Variants in SENP2 observed in about 807,000 individuals in gnomAD.
SENP2 encodes the protein sentrin-specific protease 2.
A neutral mutation model predicts 86.3 loss-of-function variants in SENP2; 16 were observed. The observed-to-expected ratio is 0.19, with a 90% confidence interval of 0.13 to 0.28. SENP2 has a LOEUF of 0.28. Among genes scored for constraint, SENP2 ranks in the 10% least tolerant of loss-of-function variants. The probability of loss-of-function intolerance (pLI) is 1.00; values close to 1 mark genes in which losing one functional copy is unlikely to be tolerated. For synonymous variants in SENP2, 222 were observed against 238.7 expected (o/e 0.93, Z 0.64); for missense variants, 552 against 703.0 (o/e 0.79, Z 2.43).
intron 14 of SENP2, among the ~76,000 whole-genome samples, 165 bp from the exon 15 acceptor site, chr3:185,623,826 CAAAAAAA>C (rs63707460): frequency 8.4e-5 from 4 of 47,774 alleles, no homozygotes; most frequent in South Asian, 3.0e-3. Context: ...GACTCTGTCT[CAAAAAAA>C]AAAAAAAAAA....
rs1200937865 is a variant in SENP2 at position 185,626,541 on chromosome 3, G to A, written c.1707+148G>A. On this transcript the variant is annotated intron_variant, in intron 16 of 16. Transcript: ENST00000296257. ...TAATCCCAGCACTTTGGGAGGCCGA[G>A]GCGGGTGGACCACCTGAGGTCAGGA... 64 of 538,346 alleles carry A rather than the reference G, an allele frequency of 1.2e-4. No individual in the cohort carries two copies. In the East Asian group the frequency reaches 1.9e-3, roughly 16 times the overall value. 33.3% of individuals were successfully genotyped at this position (538,346 alleles called of 1,614,324 possible).
chr3:185,608,348 G>C (rs1722582626), intron 6 of SENP2, among the ~76,000 whole-genome samples: 1 of 152,190 alleles, frequency 6.6e-6, no homozygotes, highest in Admixed American at 6.5e-5. Flanking sequence ...ATATTGGTAG[G>C]TAGTATTAGC....
chr3:185,587,732 ATTTTTT>A (rs59565990), intron 1 of SENP2, among the ~76,000 whole-genome samples: 3 of 73,016 alleles, frequency 4.1e-5, no homozygotes, highest in South Asian at 6.1e-4. Context: ...ATGCCCGGCT[ATTTTTT>A]TTTTTTTTTT....
chr3:185,625,496 A>T (rs1430128413), intron 15 of SENP2, among the ~76,000 whole-genome samples: 1 of 152,090 alleles, frequency 6.6e-6, no homozygotes, highest in Non-Finnish European at 1.5e-5. Context: ...TTCCAGCAAT[A>T]ACTTGCGCTA....
At chr3:185,599,423 G>C (rs1722273861) in intron 4 of SENP2, among the ~76,000 whole-genome samples, 1 of 152,162 alleles carries the variant, frequency 6.6e-6, no homozygotes, top group African/African-American at 2.4e-5. Flanking sequence ...TAGGTTCCCA[G>C]TTATCACAGT....
chr3:185,611,836 A>G (rs1158276500), intron 8 of SENP2, 91 bp downstream of exon 8: 2 of 933,384 alleles, frequency 2.1e-6, no homozygotes, highest in Middle Eastern at 2.1e-4. Context: ...ATTCAAGTGT[A>G]GATGGTGTAC....
intron 15 of SENP2, among the ~76,000 whole-genome samples, chr3:185,625,351 T>G (rs1376956173): frequency 6.6e-6 from 1 of 152,082 alleles, no homozygotes; most frequent in East Asian, 1.9e-4. Flanking sequence ...GACCTCGTGA[T>G]CCGCCCGCCT....
chr3:185,594,354 A>G (rs1197828052), intron 2 of SENP2, among the ~76,000 whole-genome samples: 1 of 152,236 alleles, frequency 6.6e-6, no homozygotes, highest in Non-Finnish European at 1.5e-5. Flanking sequence ...AGCGGTGGGT[A>G]GCAGAGTTTG....
Position 185,586,394 on chromosome 3 carries a change from C to G in SENP2, c.-20C>G, listed in dbSNP as rs762740674. ...TTGCGTCTCGGGGTGTGTCGGCCGC[C>G]GCTGCTGCTTGGGCCTGGTATGTAC... On this transcript the variant is annotated 5_prime_UTR_variant, in exon 1 of 17. Coordinates refer to ENST00000296257, the MANE Select transcript of SENP2 (RefSeq NM_021627.3). This position sits in a 1 kb window ranked among gnomAD's most constrained non-coding sequence, Gnocchi z 4.3. 6.2e-7 allele frequency: 1 copy of G among 1,613,228 alleles called. No individual in the cohort carries two copies. The highest frequency in any genetic ancestry group is 8.5e-7 in the Non-Finnish European group (1 of 1,179,818).
rs1388549256 is a variant in SENP2, at chr3:185,605,369, C to T, written c.450-961C>T. On this transcript the variant is annotated intron_variant, in intron 5 of 16. Coordinates refer to ENST00000296257, the MANE Select transcript of SENP2 (RefSeq NM_021627.3). The stretch of plus-strand genomic sequence containing the variant: ...CTGGAGGACAAGAGTGAAACTTCGT[C>T]GAAAAAAAAAAGAATAAGGGCATTC... Among the ~76,000 whole-genome samples, 4 of 147,864 alleles carry T rather than the reference C, an allele frequency of 2.7e-5. No homozygotes were observed. In the East Asian group the frequency reaches 6.0e-4, roughly 22 times the overall value.
chr3:185,610,200 G>A (rs1409525804), intron 7 of SENP2, among the ~76,000 whole-genome samples: 12 of 115,870 alleles, frequency 1.0e-4, no homozygotes, highest in Non-Finnish European at 1.9e-4. Context: ...CACTATTGTT[G>A]CCCAGGCTGG....
intron 15 of SENP2, 85 bp from the exon 16 acceptor site, chr3:185,626,213 A>T: frequency 1.2e-6 from 1 of 813,156 alleles, no homozygotes; most frequent in Non-Finnish European, 2.0e-6. Context: ...AATATTGTTT[A>T]CAGCAATATT....
intron 10 of SENP2, 126 bp from the exon 11 acceptor site, chr3:185,614,438 C>T: frequency 1.1e-6 from 1 of 928,546 alleles, no homozygotes; most frequent in Non-Finnish European, 1.6e-6. Context: ...TAAATCTACT[C>T]ACTTGGGGGA....
At chr3:185,612,288 A>C (rs1560196804) in intron 8 of SENP2, 1 of 222,194 alleles carries the variant, frequency 4.5e-6, no homozygotes, top group Non-Finnish European at 8.9e-6. Flanking sequence ...AGTAGCAACT[A>C]TTTTGTGAGC....
At chr3:185,629,634 G>GT in intron 16 of SENP2, 148 bp from the exon 17 acceptor site, 1 of 716,174 alleles carries the variant, frequency 1.4e-6, no homozygotes, top group African/African-American at 1.8e-5. Flanking sequence ...GTTAAAAATG[G>GT]TTTTATAAGT....
At position 185,606,395 on chromosome 3, in the gene SENP2, C is replaced by T; in HGVS notation, c.515C>T (p.Pro172Leu). 2 of 1,613,634 alleles carry T rather than the reference C, an allele frequency of 1.2e-6. No homozygotes were observed. The highest frequency in any genetic ancestry group is 2.2e-5 in the East Asian group (1 of 44,854). ...GGCCGTCGCCATAGCAAAGGTAATC[C>T]AGAGAGTTCTTTAATGTGGAAACCT... ...PGGRRHSKGN[P>L]ESSLMWKPQE... The change falls in exon 6 of 17, where the codon CCA becomes CTA. Residue 172 changes from proline (P) to leucine (L), a missense_variant. By Grantham distance (98) the Pro-to-Leu change is moderately conservative. Around this residue, in one of 2 missense-constraint regions of SENP2, gnomAD observed 383 missense variants for 427.3 expected, o/e 0.90. Coordinates refer to ENST00000296257, the MANE Select transcript of SENP2 (RefSeq NM_021627.3).
chr3:185,594,179 A>G lies in SENP2; in HGVS notation c.157+4010A>G, dbSNP rs181757254. ...TTGGATGTGGTTAAAAAAAAAAAACACACACAAACGTTGGTATTACAGAAG... is the reference window on the plus strand; with the variant it reads ...TTGGATGTGGTTAAAAAAAAAAAACGCACACAAACGTTGGTATTACAGAAG... On this transcript the variant is annotated intron_variant, in intron 2 of 16. Transcript: ENST00000296257. Among the ~76,000 whole-genome samples the G allele has an allele frequency of 3.3e-5, 5 of 151,822 alleles. No homozygotes were observed. The East Asian group carries it at 9.6e-4, about 29-fold the overall frequency.
rs1317114353 is a variant in SENP2, at chr3:185,606,318, T to TC, written c.450-11dup. The TC allele has an allele frequency of 1.9e-6, 3 of 1,576,238 alleles. No individual in the cohort carries two copies. Among genetic ancestry groups the TC allele is most frequent in the South Asian group, 1.2e-5 (1 of 84,020 alleles). ...TGGTGATACTTTTTTTCTTTTTTTTTCTGTTGCTCAGTTTTACTTTGAACT... is the reference window on the plus strand; with the variant it reads ...TGGTGATACTTTTTTTCTTTTTTTTTCCTGTTGCTCAGTTTTACTTTGAACT... On this transcript the variant is annotated splice_polypyrimidine_tract_variant and intron_variant, in intron 5 of 16. Transcript: ENST00000296257.
At chr3:185,588,680 A>C (rs563352906) in intron 1 of SENP2, among the ~76,000 whole-genome samples, 1 of 152,150 alleles carries the variant, frequency 6.6e-6, no homozygotes, top group Admixed American at 6.6e-5. Context: ...TTTCTCTCCT[A>C]TCTTTCCGTT....
Sources: gnomAD v4.1 joint callset for allele counts (sites outside exome capture counted in the v4.1 genomes callset) on GRCh38, gnomAD v4.1.1 for gene constraint, gnomAD v4.1.1 regional missense constraint, Gnocchi (gnomAD v3.1) non-coding constraint, MANE v1.5 for transcripts, NCBI Gene and HGNC (gene_info 2026-07-23, HGNC 2026-07-21) for gene names.